SPRYD7: variants seen among roughly 807,000 people sequenced by gnomAD.
SPRYD7 encodes SPRY domain-containing protein 7.
Under a neutral mutation model 23.8 loss-of-function variants are expected in SPRYD7, and 14 were observed. The ratio of observed to expected loss-of-function variants is 0.59; its 90% CI spans 0.39 to 0.92. The LOEUF (loss-of-function observed/expected upper bound fraction) is 0.92. Among genes scored for constraint, SPRYD7 ranks in the 40% least tolerant of loss-of-function variants. The probability of loss-of-function intolerance (pLI) is 0.00; values close to 1 mark genes in which losing one functional copy is unlikely to be tolerated. For missense variants in SPRYD7, 194 were observed against 241.7 expected (o/e 0.80, Z 1.31); for synonymous variants, 75 against 84.9 (o/e 0.88, Z 0.64).
intron 4 of SPRYD7, among the ~76,000 whole-genome samples, chr13:49,918,834 C>A (rs1955782723): frequency 6.6e-6 from 1 of 151,934 alleles, no homozygotes; most frequent in South Asian, 2.1e-4. Context: ...CCTGTCTCAG[C>A]CTCCCATGTA....
At chr13:49,933,045 A>T (rs1871451605) in intron 1 of SPRYD7, among the ~76,000 whole-genome samples, 1 of 152,170 alleles carries the variant, frequency 6.6e-6, no homozygotes, top group Admixed American at 6.5e-5. Context: ...TAACTGATAA[A>T]GGTTGAATTA....
At chr13:49,923,755 A>C (rs1955846826) in intron 3 of SPRYD7, among the ~76,000 whole-genome samples, 1 of 152,000 alleles carries the variant, frequency 6.6e-6, no homozygotes, top group Non-Finnish European at 1.5e-5. Context: ...CAGCCTCCCG[A>C]AGTGCAGGGA....
chr13:49,921,707 G>C, intron 3 of SPRYD7, 127 bp from the exon 4 acceptor site: 1 of 612,638 alleles, frequency 1.6e-6, no homozygotes, highest in South Asian at 2.0e-5. Flanking sequence ...TGACAATTTG[G>C]TAGAATCCTA....
chr13:49,936,286 C>G lies in SPRYD7; in HGVS notation c.-51G>C, dbSNP rs767388795. 5.2e-6 allele frequency: 7 copies of G among 1,344,134 alleles called. No homozygotes were observed. In the African/African-American group the frequency reaches 1.0e-4, roughly 20 times the overall value. 83.3% of individuals were successfully genotyped at this position (1,344,134 alleles called of 1,614,324 possible). A position where few individuals can be genotyped will look rare whatever the true frequency, so the allele number is the denominator to read the frequency against. On this transcript the variant is annotated 5_prime_UTR_variant, in exon 1 of 5. Transcript: ENST00000361840. ...CCGTCCCTAGACCGAGGCGACACTG[C>G]CCCCCGCCGCTCAGCTCCGTCTCCT...
intron 2 of SPRYD7, among the ~76,000 whole-genome samples, chr13:49,930,125 C>T (rs1955930775): frequency 6.6e-6 from 1 of 152,070 alleles, no homozygotes; most frequent in South Asian, 2.1e-4. Context: ...AAAGTTTTCC[C>T]ATATACAATA....
intron 3 of SPRYD7, among the ~76,000 whole-genome samples, chr13:49,925,569 T>C (rs1955873170): frequency 6.6e-6 from 1 of 152,076 alleles, no homozygotes; most frequent in African/African-American, 2.4e-5. Flanking sequence ...CCCAGCACTT[T>C]GGGAGGCCGA....
intron 3 of SPRYD7, 139 bp from the exon 4 acceptor site, chr13:49,921,719 T>C (rs1955823635): frequency 1.7e-6 from 1 of 593,784 alleles, no homozygotes; most frequent in South Asian, 2.1e-5. Context: ...AGAATCCTAC[T>C]TGAACTGAGC....
intron 1 of SPRYD7, among the ~76,000 whole-genome samples, chr13:49,934,284 G>T (rs2897794): frequency 6.6e-6 from 1 of 151,918 alleles, no homozygotes; most frequent in African/African-American, 2.4e-5. Context: ...CTGGCCGGGC[G>T]TGGTGGCTCA....
chr13:49,931,534 G>A (rs1955949564), intron 1 of SPRYD7, among the ~76,000 whole-genome samples: 1 of 152,036 alleles, frequency 6.6e-6, no homozygotes, highest in African/African-American at 2.4e-5. Context: ...TTCTAACTCA[G>A]TCCACAAAAA....
intron 4 of SPRYD7, among the ~76,000 whole-genome samples, chr13:49,916,070 G>A (rs1216211570): frequency 6.6e-6 from 1 of 152,138 alleles, no homozygotes; most frequent in African/African-American, 2.4e-5. Flanking sequence ...GGATATAAGA[G>A]GCAGAAGGAA....
At chr13:49,923,005 G>A (rs1741712012) in intron 3 of SPRYD7, among the ~76,000 whole-genome samples, 1 of 152,170 alleles carries the variant, frequency 6.6e-6, no homozygotes, top group South Asian at 2.1e-4. Flanking sequence ...TACATAGATT[G>A]CCTTTGCTTC....
chr13:49,932,754 AAG>A (rs1222494653), intron 1 of SPRYD7, among the ~76,000 whole-genome samples: 2 of 152,240 alleles, frequency 1.3e-5, no homozygotes, highest in African/African-American at 2.4e-5. Context: ...AAATACATAA[AAG>A]AAATGCAAAA....
chr13:49,924,472 ATTTG>A lies in SPRYD7; in HGVS notation c.391-2896_391-2893del, dbSNP rs199560598. 5.1e-3 allele frequency among the ~76,000 whole-genome samples: 775 copies of A among 151,374 alleles called. 9 individuals are homozygous for A. The highest frequency in any genetic ancestry group is 0.018 in the African/African-American group (733 of 41,214). On this transcript the variant is annotated intron_variant, in intron 3 of 4. Transcript: ENST00000361840. ...CTTTTTAAATTTTATTTATTTATTT[ATTTG>A]TTTGTTTGTTTGTAGAGATGGGGTC...
In SPRYD7 at chr13:49,915,109, G is replaced by T; in HGVS notation, c.545C>A (p.Pro182His). Residue 182 changes from proline to histidine, a missense_variant, in exon 5 of 5, where the codon CCT (proline) becomes CAT (histidine). Coordinates refer to ENST00000361840, the MANE Select transcript of SPRYD7 (RefSeq NM_020456.4). ...TAATATTTTTTCAAAACCAGGTGGA[G>T]GCGTATGATAAAACTCACTGAACTG... ...DCQFSEFYHT[P>H]PPGFEKILFE... The T allele has an allele frequency of 1.9e-6, 3 of 1,570,376 alleles. No individual in the cohort carries two copies. Among genetic ancestry groups the T allele is most frequent in the South Asian group, 1.2e-5 (1 of 83,700 alleles).
Position 49,936,200 on chromosome 13 carries a change from G to A in SPRYD7, c.36C>T (p.Cys12=). ...ATSVLCCLRC[C]RDGGTGHIPL... The stretch of plus-strand genomic sequence containing the variant: ...GGATGTGGCCAGTCCCCCCGTCTCT[G>A]CAGCACCGCAGGCAGCACAACACCG... The change falls in exon 1 of 5, where the codon TGC becomes TGT. Residue 12 remains cysteine (C), a synonymous_variant. Transcript: ENST00000361840. 1 of 1,608,596 alleles carries A rather than the reference G, an allele frequency of 6.2e-7. No individual in the cohort carries two copies. The highest frequency in any genetic ancestry group is 8.5e-7 in the Non-Finnish European group (1 of 1,178,682).
chr13:49,924,268 T>C (rs1344955560), intron 3 of SPRYD7, among the ~76,000 whole-genome samples: 2 of 152,012 alleles, frequency 1.3e-5, no homozygotes, highest in African/African-American at 4.8e-5. Context: ...ATTACAGGCG[T>C]GAGCCACCGC....
In SPRYD7 at chr13:49,931,077, A is replaced by G. The variant is rs1333720125; in HGVS notation, c.164T>C (p.Leu55Ser). 2.5e-6 allele frequency: 4 copies of G among 1,613,794 alleles called. No homozygotes were observed. Among genetic ancestry groups the G allele is most frequent in the Non-Finnish European group, 2.5e-6 (3 of 1,179,834 alleles). Residue 55 changes from leucine to serine, a missense_variant, in exon 2 of 5, where the codon TTA (leucine) becomes TCA (serine). Coordinates refer to ENST00000361840, the MANE Select transcript of SPRYD7 (RefSeq NM_020456.4). ...GRRICGTGGC[L>S]ASAPLHQNKS... is the part of the protein sequence containing the mutation. ...GTTTTGATGTAAAGGTGCGCTGGCT[A>G]AACAACCTCCTGTTCCACATATTCT...
At position 49,915,123 on chromosome 13, in the gene SPRYD7, C is replaced by T. The variant is rs1955738478; in HGVS notation, c.531G>A (p.Glu177=). 5.1e-6 allele frequency: 8 copies of T among 1,576,300 alleles called. No individual in the cohort carries two copies. Among genetic ancestry groups the T allele is most frequent in the Non-Finnish European group, 6.0e-6 (7 of 1,159,616 alleles). The change falls in exon 5 of 5, where the codon GAG becomes GAA. Residue 177 remains glutamate, a synonymous_variant. Coordinates refer to ENST00000361840, the MANE Select transcript of SPRYD7 (RefSeq NM_020456.4). ...AACCAGGTGGAGGCGTATGATAAAA[C>T]TCACTGAACTGGCAATCCAAAATTG... ...DSAILDCQFS[E]FYHTPPPGFE... is the part of the protein sequence containing the mutation.
intron 4 of SPRYD7, among the ~76,000 whole-genome samples, chr13:49,918,188 A>G: frequency 6.6e-6 from 1 of 152,042 alleles, no homozygotes; most frequent in East Asian, 1.9e-4. Context: ...TCAGCCTCTC[A>G]AGTAGCTGGG....
Sources: gnomAD v4.1 joint callset for allele counts (sites outside exome capture counted in the v4.1 genomes callset) on GRCh38, gnomAD v4.1.1 for gene constraint, MANE v1.5 for transcripts, NCBI Gene and HGNC (gene_info 2026-07-23, HGNC 2026-07-21) for gene names.